ZNF804A: variants seen among roughly 807,000 people sequenced by gnomAD.
ZNF804A encodes the protein zinc finger protein 804A.
ZNF804A carries 2 observed loss-of-function variants against 16.5 expected under a neutral mutation model. That is an observed-to-expected ratio of 0.12 (90% CI 0.05 to 0.38). ZNF804A has a LOEUF of 0.38. ZNF804A is among the 10% of genes least tolerant of loss of function. The pLI, the probability that ZNF804A is intolerant of heterozygous loss-of-function variation, is 0.99. For synonymous variants in ZNF804A, 534 were observed against 489.6 expected, an observed-to-expected ratio of 1.09 and a Z score of -1.20; for missense variants, 1,473 against 1,390.7, an observed-to-expected ratio of 1.06 and a Z score of -0.94.
intron 1 of ZNF804A, among the ~76,000 whole-genome samples, chr2:184,814,517 T>G (rs1216382205): frequency 6.6e-6 from 1 of 152,074 alleles, no homozygotes; most frequent in Non-Finnish European, 1.5e-5. Flanking sequence ...GTTGCTGCTT[T>G]GCTCCACAAA....
chr2:184,731,251 C>CAAAAAA (rs563068533), intron 1 of ZNF804A, among the ~76,000 whole-genome samples: 13 of 45,290 alleles, frequency 2.9e-4, no homozygotes, highest in Admixed American at 4.7e-4. Context: ...GGCTCCGTCG[C>CAAAAAA]AAAAAAAAAA....
At position 184,938,955 on chromosome 2, in the gene ZNF804A, T is replaced by G; in HGVS notation, c.3559T>G (p.Leu1187Val). The G allele has an allele frequency of 1.9e-6, 3 of 1,613,534 alleles. No homozygotes were observed. Among genetic ancestry groups the G allele is most frequent in the Non-Finnish European group, 1.7e-6 (2 of 1,179,856 alleles). ...TCCTAGCCATCTGGCTTTCCCATCT[T>G]TACCCCATGCACTCTTTCCTTCACT... ...LHPSHLAFPS[L>V]PHALFPSLLS... Residue 1187 changes from leucine (L) to valine (V), a missense_variant, in exon 4 of 4, where the codon TTA becomes GTA. Transcript: ENST00000302277.
intron 1 of ZNF804A, among the ~76,000 whole-genome samples, chr2:184,804,850 C>T (rs1188483993): frequency 6.6e-6 from 1 of 152,088 alleles, no homozygotes; most frequent in Non-Finnish European, 1.5e-5. Flanking sequence ...TAAATATAGC[C>T]GTACACTTCG....
intron 1 of ZNF804A, among the ~76,000 whole-genome samples, chr2:184,662,806 T>C (rs749361033): frequency 1.3e-5 from 2 of 152,210 alleles, no homozygotes; most frequent in African/African-American, 4.8e-5. Flanking sequence ...ATGTTGAAGA[T>C]GTTATGCCAC....
intron 2 of ZNF804A, among the ~76,000 whole-genome samples, chr2:184,891,930 A>C (rs1684989294): frequency 6.6e-6 from 1 of 152,192 alleles, no homozygotes; most frequent in Admixed American, 6.5e-5. Flanking sequence ...ACGTGATATC[A>C]ATATTTCTAG....
intron 1 of ZNF804A, among the ~76,000 whole-genome samples, chr2:184,777,095 T>C (rs896497405): frequency 1.3e-5 from 2 of 151,460 alleles, no homozygotes; most frequent in Non-Finnish European, 3.0e-5. Flanking sequence ...GATGGTTGCC[T>C]CTGTCTTTGT....
intron 1 of ZNF804A, among the ~76,000 whole-genome samples, chr2:184,848,458 A>C (rs1695555285): frequency 6.6e-6 from 1 of 152,092 alleles, no homozygotes; most frequent in African/African-American, 2.4e-5. Flanking sequence ...AAAAGGAAAG[A>C]TATAAGAGGG....
At chr2:184,768,904 G>T (rs961872981) in intron 1 of ZNF804A, among the ~76,000 whole-genome samples, 1 of 151,898 alleles carries the variant, frequency 6.6e-6, no homozygotes, top group South Asian at 2.1e-4. Flanking sequence ...CCCTTTAGTC[G>T]ATTTTGTCTC....
At chr2:184,677,876 T>C (rs1294679141) in intron 1 of ZNF804A, among the ~76,000 whole-genome samples, 1 of 151,976 alleles carries the variant, frequency 6.6e-6, no homozygotes, top group Non-Finnish European at 1.5e-5. Flanking sequence ...TGGAATTCGG[T>C]CCCACCACAG....
At chr2:184,779,573 A>G (rs1035837122) in intron 1 of ZNF804A, among the ~76,000 whole-genome samples, 9 of 151,654 alleles carry the variant, frequency 5.9e-5, no homozygotes, top group South Asian at 2.1e-4. Context: ...GATGGGCCCA[A>G]TGTAATCACA....
chr2:184,689,878 A>G (rs1006116035), intron 1 of ZNF804A, among the ~76,000 whole-genome samples: 1 of 152,032 alleles, frequency 6.6e-6, no homozygotes, highest in Non-Finnish European at 1.5e-5. Flanking sequence ...AAGTAAAACA[A>G]CACATAATGT....
rs75849491 is a variant in ZNF804A, at chr2:184,670,803, A to T, written c.111+71733A>T. On this transcript the variant is annotated intron_variant, in intron 1 of 3. Coordinates refer to ENST00000302277, the MANE Select transcript of ZNF804A (RefSeq NM_194250.2). ...TATTGAGTGTTTTTCTTTAATTTTGATTATTCTTGTTGGATTTTAGTATAT... is the reference window on the plus strand; with the variant it reads ...TATTGAGTGTTTTTCTTTAATTTTGTTTATTCTTGTTGGATTTTAGTATAT... 2.8e-3 allele frequency among the ~76,000 whole-genome samples: 424 copies of T among 151,760 alleles called. 8 individuals carry two copies. The highest frequency in any genetic ancestry group is 9.7e-3 in the African/African-American group (403 of 41,402).
chr2:184,632,659 T>C (rs1691632788), intron 1 of ZNF804A, among the ~76,000 whole-genome samples: 1 of 152,238 alleles, frequency 6.6e-6, no homozygotes, highest in Non-Finnish European at 1.5e-5. Context: ...ATTACAGGCG[T>C]AAGCCACCTT....
chr2:184,714,156 G>C (rs545719798), intron 1 of ZNF804A, among the ~76,000 whole-genome samples: 1 of 152,082 alleles, frequency 6.6e-6, no homozygotes, highest in African/African-American at 2.4e-5. Context: ...ATGTTGGAAA[G>C]TGGTTGATCT....
At chr2:184,824,270 CAA>C (rs551616591) in intron 1 of ZNF804A, among the ~76,000 whole-genome samples, 1 of 152,076 alleles carries the variant, frequency 6.6e-6, no homozygotes, top group Non-Finnish European at 1.5e-5. Flanking sequence ...GCCTCCATGA[CAA>C]TATATATTTT....
At position 184,618,811 on chromosome 2, in the gene ZNF804A, A is replaced by G. The variant is rs192585678; in HGVS notation, c.111+19741A>G. On this transcript the variant is annotated intron_variant, in intron 1 of 3. Coordinates refer to ENST00000302277, the MANE Select transcript of ZNF804A (RefSeq NM_194250.2). ...ATATATTATTGTTTCTTCCATTTAA[A>G]GGAATAAGATAAGCAAAGCTGCCCA... is the stretch of plus-strand genomic sequence containing the variant. Among the ~76,000 whole-genome samples, 622 of 152,222 alleles carry G rather than the reference A, an allele frequency of 4.1e-3. 18 individuals are homozygous for G. Among genetic ancestry groups the G allele is most frequent in the Non-Finnish European group, 9.0e-4 (61 of 68,008 alleles).
At chr2:184,642,027 C>G (rs2105694265) in intron 1 of ZNF804A, among the ~76,000 whole-genome samples, 1 of 152,216 alleles carries the variant, frequency 6.6e-6, no homozygotes, top group South Asian at 2.1e-4. Flanking sequence ...ATCAAGCACA[C>G]ACACACACAT....
intron 1 of ZNF804A, among the ~76,000 whole-genome samples, chr2:184,621,302 C>T (rs938456252): frequency 5.3e-5 from 8 of 151,732 alleles, no homozygotes; most frequent in African/African-American, 1.9e-4. Context: ...ATACACTATA[C>T]ATTTGCATGT....
chr2:184,618,931 G>T (rs1691374427), intron 1 of ZNF804A, among the ~76,000 whole-genome samples: 1 of 152,066 alleles, frequency 6.6e-6, no homozygotes, highest in African/African-American at 2.4e-5. Flanking sequence ...CATCTTTTCA[G>T]AAACTAATTT....
Sources: allele counts gnomAD v4.1 joint callset (sites outside exome capture counted in the v4.1 genomes callset), GRCh38; gene constraint gnomAD v4.1.1; transcripts MANE v1.5; gene names NCBI Gene and HGNC (gene_info 2026-07-23, HGNC 2026-07-21).